The following LARGE1 variants were observed in gnomAD, a reference collection of about 807,000 sequenced individuals.
The protein encoded by LARGE1 is xylosyl- and glucuronyltransferase LARGE1.
In LARGE1, 43 loss-of-function variants were observed where a neutral mutation model predicts 87.6. The ratio of observed to expected loss-of-function variants is 0.49; its 90% confidence interval spans 0.38 to 0.63. LARGE1 has a LOEUF of 0.63. LARGE1 is among the 30% of genes least tolerant of loss of function. The pLI is 0.00. For synonymous variants in LARGE1, 434 were observed against 394.6 expected (o/e 1.10, Z -1.18); for missense variants, 802 against 1,000.2 (o/e 0.80, Z 2.67).
In LARGE1 at chr22:33,282,210, T is replaced by C. The variant is rs546210238; in HGVS notation, c.1877+992A>G. On this transcript the variant is annotated intron_variant, in intron 13 of 14. Coordinates refer to ENST00000397394, the MANE Select transcript of LARGE1 (RefSeq NM_133642.5). ...AAAATACAAAATTTGCCGGGCATGG[T>C]GGCACATGCCTGTAATCCCAGCTAC... 5.6e-4 allele frequency among the ~76,000 whole-genome samples: 86 copies of C among 152,272 alleles called. 1 individual carries two copies. Among genetic ancestry groups the C allele is most frequent in the Admixed American group, 2.9e-3 (45 of 15,288 alleles).
At chr22:33,539,781 T>C (rs1481047167) in intron 6 of LARGE1, among the ~76,000 whole-genome samples, 2 of 152,084 alleles carry the variant, frequency 1.3e-5, no homozygotes, top group Non-Finnish European at 2.9e-5. Flanking sequence ...GGTCTTGCTA[T>C]GTTGCCCAGG....
chr22:33,471,763 G>C (rs56338801), intron 6 of LARGE1, among the ~76,000 whole-genome samples: 1 of 152,108 alleles, frequency 6.6e-6, no homozygotes, highest in African/African-American at 2.4e-5. Flanking sequence ...GGCCAGGCGC[G>C]GTGGCTCACC....
intron 4 of LARGE1, among the ~76,000 whole-genome samples, chr22:33,610,870 T>C (rs1329145709): frequency 3.9e-5 from 6 of 152,168 alleles, no homozygotes; most frequent in African/African-American, 1.4e-4. Flanking sequence ...GCTCTTTGCA[T>C]TGTGGCCTCT....
chr22:33,298,447 C>A (rs1933663464), intron 12 of LARGE1, among the ~76,000 whole-genome samples: 1 of 152,200 alleles, frequency 6.6e-6, no homozygotes. Context: ...GAGGAAAAAG[C>A]AGTATGATTC....
intron 6 of LARGE1, among the ~76,000 whole-genome samples, chr22:33,481,369 T>C (rs2069319902): frequency 6.6e-6 from 1 of 152,184 alleles, no homozygotes. Context: ...TTGGGTTTAC[T>C]TCTTCAGTGG....
At chr22:33,419,859 A>C (rs137902814) in intron 7 of LARGE1, among the ~76,000 whole-genome samples, 99 of 152,078 alleles carry the variant, frequency 6.5e-4, no homozygotes, top group African/African-American at 2.3e-3. Flanking sequence ...ACACCCAGCT[A>C]ATTTTTGTGT....
intron 1 of LARGE1, among the ~76,000 whole-genome samples, chr22:33,865,327 C>T (rs954575629): frequency 2.0e-5 from 3 of 152,164 alleles, no homozygotes; most frequent in African/African-American, 7.2e-5. Flanking sequence ...ACTCTGACCT[C>T]GAAGTAGATT....
chr22:33,719,130 A>T (rs2083001073), intron 2 of LARGE1, among the ~76,000 whole-genome samples: 1 of 152,232 alleles, frequency 6.6e-6, no homozygotes, highest in African/African-American at 2.4e-5. Context: ...AGTAAAAATT[A>T]AAAGATTTAA....
intron 1 of LARGE1, among the ~76,000 whole-genome samples, chr22:33,824,366 G>T (rs2062721355): frequency 6.6e-6 from 1 of 152,164 alleles, no homozygotes; most frequent in Non-Finnish European, 1.5e-5. Flanking sequence ...GCCTTCACAT[G>T]GTGGAAGGAG....
chr22:33,876,819 A>G (rs2064482341), intron 1 of LARGE1, among the ~76,000 whole-genome samples: 1 of 151,910 alleles, frequency 6.6e-6, no homozygotes, highest in Non-Finnish European at 1.5e-5. Context: ...TTAAAACAAC[A>G]TAAAAAAATA....
chr22:33,085,373 A>AT, the LARGE1 span, among the ~76,000 whole-genome samples: 1 of 152,242 alleles, frequency 6.6e-6, no homozygotes, highest in South Asian at 2.1e-4. Context: ...TCAAAGCATC[A>AT]TTTTCATTTA....
In LARGE1 at chr22:33,584,989, C is replaced by T. The variant is rs137935806; in HGVS notation, c.615+19446G>A. ...AAAATTAGCCAGGCATGGTGATGCG[C>T]GCCTGTAATCCCAGCTGCTCCAGAG... On this transcript the variant is annotated intron_variant, in intron 5 of 14. Transcript: ENST00000397394. 1.3e-4 allele frequency among the ~76,000 whole-genome samples: 19 copies of T among 151,966 alleles called. 1 individual carries two copies. Among genetic ancestry groups the T allele is most frequent in the East Asian group, 3.9e-4 (2 of 5,146 alleles).
intron 1 of LARGE1, among the ~76,000 whole-genome samples, chr22:33,855,338 A>T (rs1016549723): frequency 6.6e-6 from 1 of 152,260 alleles, no homozygotes; most frequent in Non-Finnish European, 1.5e-5. Flanking sequence ...CGTCTCAAAA[A>T]AAATAAATAA....
chr22:33,911,647 A>T (rs1255583475), intron 1 of LARGE1, among the ~76,000 whole-genome samples: 1 of 152,214 alleles, frequency 6.6e-6, no homozygotes, highest in Non-Finnish European at 1.5e-5. Flanking sequence ...CTTGTCATGT[A>T]AATGTGAACA....
intron 3 of LARGE1, among the ~76,000 whole-genome samples, chr22:33,641,104 C>G (rs1156925948): frequency 6.6e-6 from 1 of 152,182 alleles, no homozygotes; most frequent in Admixed American, 6.5e-5. Flanking sequence ...GGGTCCCTGA[C>G]TCCTGTGCCT....
chr22:33,730,823 G>T (rs146989475), intron 2 of LARGE1, among the ~76,000 whole-genome samples: 2,474 of 151,836 alleles, frequency 0.016, 61 homozygotes, highest in African/African-American at 0.057. Context: ...CTCCCAAGTA[G>T]CTGGGATTAC....
intron 6 of LARGE1, among the ~76,000 whole-genome samples, chr22:33,481,517 G>A (rs1048086801): frequency 1.3e-5 from 2 of 151,914 alleles, no homozygotes; most frequent in Admixed American, 6.6e-5. Context: ...AAAATTTAAT[G>A]GTGTTTTGTT....
At chr22:33,874,612 C>A (rs1355524765) in intron 1 of LARGE1, among the ~76,000 whole-genome samples, 1 of 152,116 alleles carries the variant, frequency 6.6e-6, no homozygotes, top group Admixed American at 6.5e-5. Flanking sequence ...GGTAATAAAT[C>A]TTGGGCAAGA....
intron 6 of LARGE1, among the ~76,000 whole-genome samples, chr22:33,504,023 A>G (rs2070639834): frequency 6.6e-6 from 1 of 152,172 alleles, no homozygotes. Context: ...AAACAGAAAA[A>G]GGCCACATGT....
Sources: allele counts gnomAD v4.1 joint callset (sites outside exome capture counted in the v4.1 genomes callset), GRCh38; gene constraint gnomAD v4.1.1; transcripts MANE v1.5; gene names NCBI Gene and HGNC (gene_info 2026-07-23, HGNC 2026-07-21).